CIC: variants seen among roughly 807,000 people sequenced by gnomAD.
The protein encoded by CIC is capicua transcriptional repressor, also known as protein capicua homolog.
Under a neutral mutation model 115.7 loss-of-function variants are expected in CIC, and 18 were observed. The ratio of observed to expected loss-of-function variants is 0.16; its 90% confidence interval spans 0.11 to 0.23. CIC has a LOEUF of 0.23. Among genes scored for constraint, CIC ranks in the 10% least tolerant of loss-of-function variants. The pLI is 1.00. For synonymous variants in CIC, 1,076 were observed against 923.0 expected, an observed-to-expected ratio of 1.17 and a Z score of -3.01; for missense variants, 2,000 against 2,159.3, an observed-to-expected ratio of 0.93 and a Z score of 1.46.
intron 2 of CIC, chr19:42,284,676 C>G: frequency 2.0e-6 from 3 of 1,527,490 alleles, no homozygotes; most frequent in Non-Finnish European, 2.6e-6. Context: ...GAGGTGCGAG[C>G]CCCTGCCGGG....
In CIC at chr19:42,293,829, G is replaced by C. The variant is rs1249212108; in HGVS notation, c.6760G>C (p.Val2254Leu). The C allele has an allele frequency of 6.2e-7, 1 of 1,612,606 alleles. No individual in the cohort carries two copies. Among genetic ancestry groups the C allele is most frequent in the Non-Finnish European group, 8.5e-7 (1 of 1,179,568 alleles). Reference protein sequence around the residue: ...PPPLKKTFDSVDNRVLSEVDF... With the variant: ...PPPLKKTFDSLDNRVLSEVDF... ...GCCCCTGAAGAAGACCTTTGACTCT[G>C]TGGACAAGTGAGCATGGGCTGGGGC... The change falls in exon 17 of 21, where the codon GTG (valine) becomes CTG (leucine). Residue 2254 changes from valine (V) to leucine (L), a missense_variant. By Grantham distance (32) the Val-to-Leu change is conservative. This residue lies in a region of CIC where 99 missense variants were observed against 217.6 expected (regional missense o/e 0.45). Transcript: ENST00000681038.
intron 2 of CIC, among the ~76,000 whole-genome samples, chr19:42,275,800 C>T (rs2036954367): frequency 6.6e-6 from 1 of 152,198 alleles, no homozygotes; most frequent in South Asian, 2.1e-4. Context: ...AGGTGTGAGC[C>T]ACTGCACCTG....
In CIC at chr19:42,289,065, G is replaced by A; in HGVS notation, c.3836G>A (p.Ser1279Asn). ...AGCCTGGACGGCGGAGAAGTAGACA[G>A]TCAGGCGCTACAGGAACTGACGCAG... ...VHSLDGGEVD[S>N]QALQELTQMV... Residue 1279 changes from serine to asparagine, a missense_variant, in exon 8 of 21, where the codon AGT becomes AAT. Ser to Asn is a conservative substitution (Grantham distance 46, BLOSUM62 1). Coordinates refer to ENST00000681038, the MANE Select transcript of CIC (RefSeq NM_001386298.1). 6.2e-7 allele frequency: 1 copy of A among 1,613,688 alleles called. No individual in the cohort carries two copies. Among genetic ancestry groups the A allele is most frequent in the Non-Finnish European group, 8.5e-7 (1 of 1,180,036 alleles).
chr19:42,272,906 G>T lies in CIC; in HGVS notation c.1123G>T (p.Asp375Tyr). 2.5e-6 allele frequency: 1 copy of T among 399,352 alleles called. No homozygotes were observed. 24.7% of individuals were successfully genotyped at this position (399,352 alleles called of 1,614,324 possible). ...CCTGCCACCCTGCCCTGCTGCCCTG[G>T]ACCCCAAACAGCCCGAGGATGCTGA... ...ATLPPCPAAL[D>Y]PKQPEDAEVS... Residue 375 changes from aspartate (D) to tyrosine (Y), a missense_variant, in exon 2 of 21, where the codon GAC (aspartate) becomes TAC (tyrosine). Coordinates refer to ENST00000681038, the MANE Select transcript of CIC (RefSeq NM_001386298.1).
intron 2 of CIC, among the ~76,000 whole-genome samples, chr19:42,274,895 C>T (rs1444957178): frequency 6.6e-6 from 1 of 152,140 alleles, no homozygotes; most frequent in Non-Finnish European, 1.5e-5. Flanking sequence ...ATTGTGGCAA[C>T]AGCTTCCACA....
rs1441344411 is a variant in CIC, at chr19:42,290,828, C to T, written c.4787C>T (p.Ala1596Val). ...GTCAGCAGCACTCCTGTGCCCATCG[C>T]CTCTAAGCCCTTCCCCACCTCTGGC... The part of the protein sequence containing the change: ...RPVSSTPVPI[A>V]SKPFPTSGRA... The change falls in exon 11 of 21, where the codon GCC (alanine) becomes GTC (valine). Residue 1596 changes from alanine (A) to valine (V), a missense_variant. Physicochemically the swap from Ala to Val is moderately conservative, Grantham distance 64 (BLOSUM62 0). Transcript: ENST00000681038. 6.2e-7 allele frequency: 1 copy of T among 1,609,310 alleles called. No individual in the cohort carries two copies. Among genetic ancestry groups the T allele is most frequent in the Non-Finnish European group, 8.5e-7 (1 of 1,178,174 alleles).
At position 42,286,861 on chromosome 19, in the gene CIC, T is replaced by G; in HGVS notation, c.2885T>G (p.Val962Gly). Residue 962 changes from valine (V) to glycine (G), a missense_variant, in exon 3 of 21, where the codon GTG becomes GGG. Physicochemically the swap from Val to Gly is moderately radical, Grantham distance 109 (BLOSUM62 -3). Around this residue, in one of 8 missense-constraint regions of CIC, gnomAD observed 222 missense variants for 247.7 expected, o/e 0.90. Coordinates refer to ENST00000681038, the MANE Select transcript of CIC (RefSeq NM_001386298.1). Reference sequence around the variant, plus strand: ...GCACCCAGCCAGCCTGACCCCTCCGTGCAGCCGAGCGAGGCCCAGCAACCT... The same window carrying G: ...GCACCCAGCCAGCCTGACCCCTCCGGGCAGCCGAGCGAGGCCCAGCAACCT... ...FLAPSQPDPS[V>G]QPSEAQQPAS... 1 of 1,613,560 alleles carries G rather than the reference T, an allele frequency of 6.2e-7. No homozygotes were observed. Among genetic ancestry groups the G allele is most frequent in the Non-Finnish European group, 8.5e-7 (1 of 1,179,928 alleles).
rs973970451 is a variant in CIC at position 42,271,842 on chromosome 19, C to T, written c.59C>T (p.Ser20Phe). 1 of 398,648 alleles carries T rather than the reference C, an allele frequency of 2.5e-6. No individual in the cohort carries two copies. Among genetic ancestry groups the T allele is most frequent in the South Asian group, 1.3e-4 (1 of 7,854 alleles). The allele number at this position is 398,648 out of a possible 1,614,324, so 24.7% of individuals were successfully genotyped here. Residue 20 changes from serine (S) to phenylalanine (F), a missense_variant, in exon 2 of 21, where the codon TCC becomes TTC. Physicochemically the swap from Ser to Phe is radical, Grantham distance 155 (BLOSUM62 -2). Coordinates refer to ENST00000681038, the MANE Select transcript of CIC (RefSeq NM_001386298.1). ...GLSGPGSGSKSPPATRAKALR... is the reference protein window; with the variant it reads ...GLSGPGSGSKFPPATRAKALR... ...TCAGGTCCTGGCAGTGGCAGCAAGT[C>T]CCCCCCAGCCACCAGGGCCAAGGCT...
At chr19:42,283,826 C>T (rs1347058232) in intron 2 of CIC, among the ~76,000 whole-genome samples, 4 of 152,062 alleles carry the variant, frequency 2.6e-5, no homozygotes, top group African/African-American at 7.2e-5. Flanking sequence ...CGCGGCCCCG[C>T]CCCCGGCCGG....
At chr19:42,276,235 C>T (rs2036972185) in intron 2 of CIC, among the ~76,000 whole-genome samples, 1 of 152,184 alleles carries the variant, frequency 6.6e-6, no homozygotes, top group African/African-American at 2.4e-5. Flanking sequence ...CTCTAAATGG[C>T]AGGTGAGTGT....
rs2147017642 is a variant in CIC, at chr19:42,273,174, C to T, written c.1391C>T (p.Thr464Ile). The T allele has an allele frequency of 2.5e-6, 1 of 398,776 alleles. No individual in the cohort carries two copies. Among genetic ancestry groups the T allele is most frequent in the South Asian group, 1.3e-4 (1 of 7,890 alleles). 24.7% of individuals were successfully genotyped at this position (398,776 alleles called of 1,614,324 possible). A position where few individuals can be genotyped will look rare whatever the true frequency, so the allele number is the denominator to read the frequency against. Residue 464 changes from threonine to isoleucine, a missense_variant, in exon 2 of 21, where the codon ACA becomes ATA. Thr to Ile is a moderately conservative substitution (Grantham distance 89). This residue lies in a region of CIC where 222 missense variants were observed against 247.7 expected (regional missense o/e 0.90). Coordinates refer to ENST00000681038, the MANE Select transcript of CIC (RefSeq NM_001386298.1). ...AGCGTGGCCTCCCTGGAAAAGGGGACAGCACCGGCAGCCCGGGCCCGCACG... is the reference window on the plus strand; with the variant it reads ...AGCGTGGCCTCCCTGGAAAAGGGGATAGCACCGGCAGCCCGGGCCCGCACG... ...SSSVASLEKG[T>I]APAARARTPL...
rs2037878651 is a variant in CIC at position 42,289,104 on chromosome 19, G to A, written c.3861+14G>A. ...GAACTGACGCAGGTCTAGGGTGCAG[G>A]CCCCCTAGTGGGGGTGGGCAGGGAA... On this transcript the variant is annotated intron_variant, in intron 8 of 20. Coordinates refer to ENST00000681038, the MANE Select transcript of CIC (RefSeq NM_001386298.1). 1 of 1,613,242 alleles carries A rather than the reference G, an allele frequency of 6.2e-7. No individual in the cohort carries two copies. Among genetic ancestry groups the A allele is most frequent in the Non-Finnish European group, 8.5e-7 (1 of 1,180,018 alleles).
rs538945844 is a variant in CIC at position 42,295,220 on chromosome 19, T to C, written c.*29T>C. The C allele has an allele frequency of 1.6e-5, 25 of 1,521,584 alleles. No homozygotes were observed. Among genetic ancestry groups the C allele is most frequent in the East Asian group, 7.5e-5 (3 of 40,160 alleles). The allele number at this position is 1,521,584 out of a possible 1,614,324, so 94.3% of individuals were successfully genotyped here. On this transcript the variant is annotated 3_prime_UTR_variant, in exon 21 of 21. Transcript: ENST00000681038. The stretch of plus-strand genomic sequence containing the variant: ...ACCCCTGAGAAGATGCCAGGACTTA[T>C]AGTACCCCCTCAGGACATGGACAGT...
Position 42,295,143 on chromosome 19 carries a change from G to GGGGGCGCCCC in CIC, c.7506_7507insGGGGCGCCCC (p.Pro2503GlyfsTer23). 7.2e-7 allele frequency: 1 copy of GGGGGCGCCCC among 1,382,738 alleles called. No individual in the cohort carries two copies. The highest frequency in any genetic ancestry group is 9.6e-7 in the Non-Finnish European group (1 of 1,037,826). The allele number at this position is 1,382,738 out of a possible 1,614,324, so 85.7% of individuals were successfully genotyped here. On this transcript the variant is annotated frameshift_variant, in exon 21 of 21. Coordinates refer to ENST00000681038, the MANE Select transcript of CIC (RefSeq NM_001386298.1). LOFTEE classifies it high-confidence loss of function. ...AGCCTGGCTGGGAGGGGGCTCCCCA[G>GGGGGCGCCCC]CCCTCCCCCCCACCCCCAGGTCCCT...
At chr19:42,288,260 A>G (rs1057467003) in intron 7 of CIC, among the ~76,000 whole-genome samples, 4 of 152,118 alleles carry the variant, frequency 2.6e-5, no homozygotes, top group African/African-American at 9.7e-5. Context: ...AGTCTGCAAA[A>G]CCCCATTCTA....
chr19:42,292,981 G>A lies in CIC; in HGVS notation c.6222G>A (p.Val2074=). The change falls in exon 16 of 21, where the codon GTG becomes GTA. Residue 2074 remains valine (V), a synonymous_variant. Transcript: ENST00000681038. ...CAGGTTCCATGACCTACAGCTTAGT[G>A]GCCCCCAAGGCCCAGCGGCCCAGCC... The part of the protein sequence containing the change: ...ATAGSMTYSL[V]APKAQRPSPK... The A allele has an allele frequency of 6.2e-7, 1 of 1,613,548 alleles. No individual in the cohort carries two copies. The highest frequency in any genetic ancestry group is 8.5e-7 in the Non-Finnish European group (1 of 1,179,948).
chr19:42,293,327 C>T, intron 16 of CIC, 46 bp downstream of exon 16: 4 of 1,515,654 alleles, frequency 2.6e-6, no homozygotes, highest in Non-Finnish European at 3.6e-6. Context: ...CTTGGCTGTG[C>T]CTCTCCATTG....
chr19:42,281,842 C>T (rs1018846990), intron 2 of CIC, among the ~76,000 whole-genome samples: 4 of 152,178 alleles, frequency 2.6e-5, no homozygotes, highest in African/African-American at 9.7e-5. Flanking sequence ...GCACCCCTCC[C>T]AGATGTGTGG....
chr19:42,271,056 G>C (rs2036767821), intron 1 of CIC, among the ~76,000 whole-genome samples: 1 of 148,232 alleles, frequency 6.7e-6, no homozygotes, highest in African/African-American at 2.5e-5. Flanking sequence ...GCCATGCCAG[G>C]CTGCCCAGAG....
Sources: allele counts gnomAD v4.1 joint callset (sites outside exome capture counted in the v4.1 genomes callset), GRCh38; gene constraint gnomAD v4.1.1; regional missense constraint gnomAD v4.1.1; transcripts MANE v1.5; gene names NCBI Gene and HGNC (gene_info 2026-07-23, HGNC 2026-07-21).